ASXL3: variants seen among roughly 807,000 people sequenced by gnomAD.
ASXL3 encodes putative Polycomb group protein ASXL3.
A neutral mutation model predicts 170.6 loss-of-function variants in ASXL3; 34 were observed. The ratio of observed to expected loss-of-function variants is 0.20; its 90% CI spans 0.15 to 0.27. The LOEUF (loss-of-function observed/expected upper bound fraction) is 0.27. Among genes scored for constraint, ASXL3 ranks in the 10% least tolerant of loss-of-function variants. The pLI is 1.00. For synonymous variants in ASXL3, 1,002 were observed against 989.1 expected (o/e 1.01, Z -0.24); for missense variants, 2,592 against 2,695.3 (o/e 0.96, Z 0.85).
At chr18:33,676,516 A>G (rs1262488057) in intron 7 of ASXL3, among the ~76,000 whole-genome samples, 1 of 152,202 alleles carries the variant, frequency 6.6e-6, no homozygotes, top group African/African-American at 2.4e-5. Context: ...GAAACAAAAC[A>G]AAACTTTGGT....
chr18:33,716,322 G>A (rs968940223), intron 8 of ASXL3, among the ~76,000 whole-genome samples: 1 of 152,212 alleles, frequency 6.6e-6, no homozygotes, highest in East Asian at 1.9e-4. Context: ...CATTTGCATA[G>A]TAAAAGTCCC....
rs764323027 is a variant in ASXL3 at position 33,739,581 on chromosome 18, C to T, written c.2177C>T (p.Ser726Leu). ...CCGATGTCTGACTTACCTTTAACAT[C>T]AGAAACTTCTTCAGTGTCTTCCATG... Reference protein sequence around the residue: ...TSPMSDLPLTSETSSVSSMLL... With the variant: ...TSPMSDLPLTLETSSVSSMLL... Residue 726 changes from serine to leucine, a missense_variant, in exon 11 of 12, where the codon TCA (serine) becomes TTA (leucine). This residue lies in a region of ASXL3 where 2,246 missense variants were observed against 2,219.6 expected (regional missense o/e 1.01). Coordinates refer to ENST00000269197, the MANE Select transcript of ASXL3 (RefSeq NM_030632.3). 9.9e-6 allele frequency: 16 copies of T among 1,613,882 alleles called. No individual in the cohort carries two copies. The highest frequency in any genetic ancestry group is 1.7e-5 in the Admixed American group (1 of 60,006).
rs567969303 is a variant in ASXL3 at position 33,590,111 on chromosome 18, G to GTTTTTTTTTTTTTT, written c.54+11432_54+11445dup. Among the ~76,000 whole-genome samples the GTTTTTTTTTTTTTT allele has an allele frequency of 7.6e-4, 63 of 83,144 alleles. 2 individuals carry two copies. The highest frequency in any genetic ancestry group is 4.0e-3 in the African/African-American group (58 of 14,522). The allele number at this position is 83,144 out of a possible 152,430, so 54.5% of individuals were successfully genotyped here. On this transcript the variant is annotated intron_variant, in intron 1 of 11. Transcript: ENST00000269197. ...TGTCGTCAAGGTATTTGCTTTCTAT[G>GTTTTTTTTTTTTTT]TTTTTTTTTTTTTTTTTTTGCTTTG...
chr18:33,625,794 G>A (rs1288472023), intron 2 of ASXL3: 1 of 151,960 alleles, frequency 6.6e-6, no homozygotes, highest in Non-Finnish European at 1.5e-5. Flanking sequence ...GATGGAATGG[G>A]GTCAAGTAGA....
intron 2 of ASXL3, among the ~76,000 whole-genome samples, chr18:33,618,205 T>C: frequency 6.6e-6 from 1 of 152,122 alleles, no homozygotes; most frequent in Non-Finnish European, 1.5e-5. Flanking sequence ...TAAAAGACTA[T>C]TTATCCTTTG....
intron 8 of ASXL3, among the ~76,000 whole-genome samples, chr18:33,701,524 T>A (rs956262220): frequency 6.6e-6 from 1 of 152,096 alleles, no homozygotes; most frequent in African/African-American, 2.4e-5. Context: ...ATTTATTCCT[T>A]ACTATTTTGT....
intron 8 of ASXL3, among the ~76,000 whole-genome samples, chr18:33,727,427 C>A (rs558110839): frequency 1.3e-5 from 2 of 152,236 alleles, no homozygotes; most frequent in South Asian, 4.2e-4. Flanking sequence ...TTCCAGTTGG[C>A]ACCCATTCCT....
At chr18:33,652,037 T>C (rs1007478130) in intron 4 of ASXL3, among the ~76,000 whole-genome samples, 1 of 152,104 alleles carries the variant, frequency 6.6e-6, no homozygotes, top group African/African-American at 2.4e-5. Flanking sequence ...AACTTCACAT[T>C]TTACAAGCTA....
intron 8 of ASXL3, among the ~76,000 whole-genome samples, chr18:33,696,831 C>T (rs756250350): frequency 1.6e-4 from 25 of 152,236 alleles, no homozygotes; most frequent in Non-Finnish European, 2.8e-4. Context: ...CAAAGGAAGG[C>T]TCAGCCTCAA....
At chr18:33,621,467 A>T (rs953923074) in intron 2 of ASXL3, among the ~76,000 whole-genome samples, 1 of 152,184 alleles carries the variant, frequency 6.6e-6, no homozygotes, top group African/African-American at 2.4e-5. Flanking sequence ...CACCTACCTA[A>T]TAGTAAATAG....
intron 7 of ASXL3, 135 bp downstream of exon 7, chr18:33,672,001 A>G: frequency 1.1e-6 from 1 of 939,376 alleles, no homozygotes. Context: ...ATCAAAACCA[A>G]AAAGAATGCT....
intron 8 of ASXL3, among the ~76,000 whole-genome samples, chr18:33,721,482 T>C (rs969765651): frequency 2.0e-5 from 3 of 152,076 alleles, no homozygotes; most frequent in African/African-American, 7.2e-5. Context: ...TATATATGTT[T>C]AGATGGATAT....
Position 33,579,602 on chromosome 18 carries a change from T to TTTTC in ASXL3, c.54+929_54+932dup, listed in dbSNP as rs898234260. ...ATGCATGTATATGTGTGGGTTTTTC[T>TTTTC]TTTCTTTCTTTCTTTTTTCTTCCTA... On this transcript the variant is annotated intron_variant, in intron 1 of 11. Transcript: ENST00000269197. Among the ~76,000 whole-genome samples the TTTTC allele has an allele frequency of 5.3e-5, 8 of 152,320 alleles. No homozygotes were observed. The East Asian group carries it at 1.3e-3, about 26-fold the overall frequency.
chr18:33,650,085 G>A (rs918456195), intron 4 of ASXL3, among the ~76,000 whole-genome samples: 6 of 152,046 alleles, frequency 3.9e-5, no homozygotes, highest in African/African-American at 1.4e-4. Context: ...GCACAAAGAT[G>A]TTTTAAAGGC....
chr18:33,601,041 G>A (rs890846438), intron 1 of ASXL3, among the ~76,000 whole-genome samples: 1 of 152,106 alleles, frequency 6.6e-6, no homozygotes, highest in Non-Finnish European at 1.5e-5. Flanking sequence ...CATGCCATGA[G>A]GAAACCAGGC....
chr18:33,663,399 G>C (rs184346017), intron 5 of ASXL3, among the ~76,000 whole-genome samples: 41 of 152,138 alleles, frequency 2.7e-4, no homozygotes, highest in Admixed American at 2.3e-3. Context: ...TCTCTGTATT[G>C]TTCTATATCA....
intron 8 of ASXL3, among the ~76,000 whole-genome samples, chr18:33,706,481 GAT>G (rs1393972870): frequency 6.6e-6 from 1 of 151,800 alleles, no homozygotes; most frequent in Non-Finnish European, 1.5e-5. Context: ...TGCCACCAGT[GAT>G]ATGTGAACAT....
intron 7 of ASXL3, among the ~76,000 whole-genome samples, chr18:33,681,751 CCT>C (rs2066519493): frequency 6.6e-6 from 1 of 151,398 alleles, no homozygotes; most frequent in Non-Finnish European, 1.5e-5. Flanking sequence ...TCAAATATTG[CCT>C]CTCTGCAATC....
chr18:33,581,322 AAAAGT>A (rs2064990178), intron 1 of ASXL3, among the ~76,000 whole-genome samples: 1 of 152,146 alleles, frequency 6.6e-6, no homozygotes, highest in African/African-American at 2.4e-5. Flanking sequence ...GCCTGATTTT[AAAAGT>A]AAAGATTCAG....
Sources: gnomAD v4.1 joint callset for allele counts (sites outside exome capture counted in the v4.1 genomes callset) on GRCh38, gnomAD v4.1.1 for gene constraint, gnomAD v4.1.1 regional missense constraint, MANE v1.5 for transcripts, NCBI Gene and HGNC (gene_info 2026-07-23, HGNC 2026-07-21) for gene names.